ZFHX3: variants seen among roughly 807,000 people sequenced by gnomAD.
ZFHX3 encodes zinc finger homeobox protein 3.
A neutral mutation model predicts 279.1 loss-of-function variants in ZFHX3; 42 were observed. That is an observed-to-expected ratio of 0.15 (90% CI 0.12 to 0.19). The LOEUF is 0.19. Among genes scored for constraint, ZFHX3 ranks in the 10% least tolerant of loss-of-function variants. The pLI, the probability that ZFHX3 is intolerant of heterozygous loss-of-function variation, is 1.00. For synonymous variants in ZFHX3, 2,293 were observed against 1,957.8 expected (o/e 1.17, Z -4.52); for missense variants, 4,981 against 4,754.0 (o/e 1.05, Z -1.40).
chr16:73,538,247 T>C (rs1567513216), intron 2 of ZFHX3, among the ~76,000 whole-genome samples: 3 of 152,202 alleles, frequency 2.0e-5, no homozygotes, highest in South Asian at 4.1e-4. Flanking sequence ...AAAGACTTCA[T>C]GTCACCAGTT....
intron 3 of ZFHX3, among the ~76,000 whole-genome samples, chr16:73,328,721 A>T (rs751071224): frequency 2.0e-4 from 31 of 152,246 alleles, no homozygotes; most frequent in Non-Finnish European, 2.6e-4. Context: ...TTGTAACAGA[A>T]TTAAAGATAA....
chr16:73,046,172 G>T (rs1965293600), intron 1 of ZFHX3, among the ~76,000 whole-genome samples: 1 of 152,130 alleles, frequency 6.6e-6, no homozygotes, highest in Non-Finnish European at 1.5e-5. Context: ...CACAAATACA[G>T]GCGTGCAAAC....
chr16:73,157,071 T>C (rs890700264), intron 5 of ZFHX3, among the ~76,000 whole-genome samples: 1 of 151,946 alleles, frequency 6.6e-6, no homozygotes, highest in African/African-American at 2.4e-5. Flanking sequence ...GCCCGGGATA[T>C]AAGCCACGTT....
At chr16:73,291,442 C>G (rs993491547) in intron 4 of ZFHX3, among the ~76,000 whole-genome samples, 1 of 152,194 alleles carries the variant, frequency 6.6e-6, no homozygotes, top group Non-Finnish European at 1.5e-5. Flanking sequence ...AGATTATACG[C>G]CAGTCCTCCA....
At chr16:73,081,402 G>A (rs918988124) in intron 8 of ZFHX3, 1 of 152,130 alleles carries the variant, frequency 6.6e-6, no homozygotes, top group Non-Finnish European at 1.5e-5. Context: ...TGGAATTACA[G>A]GCATGCGCCA....
chr16:73,002,821 A>C (rs934753376), intron 1 of ZFHX3, among the ~76,000 whole-genome samples: 1 of 152,196 alleles, frequency 6.6e-6, no homozygotes, highest in African/African-American at 2.4e-5. Flanking sequence ...TATTTAAGTG[A>C]TTCTACATTT....
intron 1 of ZFHX3, among the ~76,000 whole-genome samples, chr16:73,706,344 C>A (rs1227258177): frequency 1.3e-5 from 2 of 151,540 alleles, no homozygotes; most frequent in African/African-American, 4.8e-5. Context: ...CGCCTGTAAT[C>A]CCAGCTACTC....
chr16:73,130,665 G>A (rs972174513), intron 7 of ZFHX3, among the ~76,000 whole-genome samples: 1 of 152,220 alleles, frequency 6.6e-6, no homozygotes, highest in African/African-American at 2.4e-5. Context: ...GGAGTGCAAT[G>A]GAGGTGATCT....
rs748400937 is a variant in ZFHX3 at position 72,793,945 on chromosome 16, C to T, written c.8737G>A (p.Asp2913Asn). ...SKEYDNEGTV[D>N]YSETSSLADP... The stretch of plus-strand genomic sequence containing the variant: ...GCAAGGCTTGAGGTTTCACTGTAGT[C>T]CACTGTACCTTCATTGTCATATTCC... The change falls in exon 9 of 10, where the codon GAC (aspartate) becomes AAC (asparagine). Residue 2913 changes from aspartate (D) to asparagine (N), a missense_variant. Asp to Asn is a conservative substitution (Grantham distance 23). Transcript: ENST00000268489. This position sits in a 1 kb window ranked among gnomAD's most constrained non-coding sequence, Gnocchi z 4.3. 5 of 1,614,188 alleles carry T rather than the reference C, an allele frequency of 3.1e-6. No individual in the cohort carries two copies. The highest frequency in any genetic ancestry group is 1.7e-5 in the Admixed American group (1 of 60,030).
At chr16:73,337,980 A>T (rs781691076) in intron 3 of ZFHX3, among the ~76,000 whole-genome samples, 1 of 147,988 alleles carries the variant, frequency 6.8e-6, no homozygotes, top group Admixed American at 6.9e-5. Flanking sequence ...TCCAGGGTTC[A>T]TAACTAAAAC....
intron 1 of ZFHX3, among the ~76,000 whole-genome samples, chr16:73,840,717 T>G (rs1164200361): frequency 2.0e-5 from 3 of 152,166 alleles, no homozygotes; most frequent in African/African-American, 7.2e-5. Context: ...ATACCCTGAG[T>G]GGTCCCACAT....
At chr16:73,327,354 AC>A (rs1237300556) in intron 3 of ZFHX3, among the ~76,000 whole-genome samples, 1 of 152,108 alleles carries the variant, frequency 6.6e-6, no homozygotes, top group Non-Finnish European at 1.5e-5. Flanking sequence ...AGGTATGATG[AC>A]TCATTCCCTA....
intron 1 of ZFHX3, among the ~76,000 whole-genome samples, chr16:73,851,805 A>G (rs546731203): frequency 6.6e-6 from 1 of 152,294 alleles, no homozygotes; most frequent in African/African-American, 2.4e-5. Context: ...CATTAGGATC[A>G]ACAGATTTGT....
At chr16:73,039,016 C>CCTCGAACCCCTGGG (rs1172925096) in intron 1 of ZFHX3, among the ~76,000 whole-genome samples, 1 of 151,606 alleles carries the variant, frequency 6.6e-6, no homozygotes, top group Non-Finnish European at 1.5e-5. Context: ...CTAAGGCTGG[C>CCTCGAACCCCTGGG]CTCGAACCCC....
chr16:73,055,648 C>A (rs1320128417), intron 1 of ZFHX3, among the ~76,000 whole-genome samples: 1 of 151,724 alleles, frequency 6.6e-6, no homozygotes, highest in Non-Finnish European at 1.5e-5. Context: ...CCAGACTCCC[C>A]CAGTGAAGAC....
At chr16:73,848,973 T>C (rs1251294984) in intron 1 of ZFHX3, among the ~76,000 whole-genome samples, 2 of 152,214 alleles carry the variant, frequency 1.3e-5, no homozygotes, top group Non-Finnish European at 2.9e-5. Flanking sequence ...GGCTAAACAT[T>C]TTCTTCGACT....
intron 6 of ZFHX3, among the ~76,000 whole-genome samples, chr16:73,134,141 G>A (rs1966745246): frequency 6.6e-6 from 1 of 151,994 alleles, no homozygotes; most frequent in Non-Finnish European, 1.5e-5. Flanking sequence ...ATGTATCCAA[G>A]GTCTCACAGA....
chr16:73,625,854 CTTTGT>C (rs1168526028), intron 2 of ZFHX3, among the ~76,000 whole-genome samples: 2 of 152,068 alleles, frequency 1.3e-5, no homozygotes, highest in Non-Finnish European at 2.9e-5. Flanking sequence ...ATTCTTTTCT[CTTTGT>C]TTTGTTTTTG....
rs113010649 is a variant in ZFHX3 at position 73,240,021 on chromosome 16, TTGTG to T, written c.-1104+17022_-1104+17025del. 7.5e-3 allele frequency among the ~76,000 whole-genome samples: 1,106 copies of T among 147,042 alleles called. 5 individuals carry two copies. Among genetic ancestry groups the T allele is most frequent in the South Asian group, 0.022 (99 of 4,534 alleles). ...CTGTTGAAGATTTAAGAACCTTATT[TTGTG>T]TGTGTGTGTGTGTGTGTGTGTGTGT... On this transcript the variant is annotated intron_variant, in intron 5 of 17. Transcript: ENST00000641206.
Sources: allele counts gnomAD v4.1 joint callset (sites outside exome capture counted in the v4.1 genomes callset), GRCh38; gene constraint gnomAD v4.1.1; non-coding constraint Gnocchi (gnomAD v3.1); transcripts MANE v1.5; gene names NCBI Gene and HGNC (gene_info 2026-07-23, HGNC 2026-07-21).